The following RARB variants were observed in gnomAD, a reference collection of about 807,000 sequenced individuals.
The protein encoded by RARB is HBV-activated protein.
Under a neutral mutation model 51.9 loss-of-function variants are expected in RARB, and 17 were observed. The observed-to-expected ratio is 0.33, with a 90% CI of 0.22 to 0.49. The LOEUF is 0.49. RARB is among the 20% of genes least tolerant of loss of function. The pLI is 0.99. For missense variants in RARB, 369 were observed against 550.8 expected (o/e 0.67, Z 3.30); for synonymous variants, 215 against 195.4 (o/e 1.10, Z -0.84).
intron 1 of RARB, among the ~76,000 whole-genome samples, chr3:25,460,124 A>G (rs1480700202): frequency 1.3e-5 from 2 of 152,200 alleles, no homozygotes; most frequent in Non-Finnish European, 2.9e-5. Flanking sequence ...CTGTGTCATC[A>G]TTAGTTTTAA....
intron 5 of RARB, among the ~76,000 whole-genome samples, chr3:25,398,305 A>G (rs937861090): frequency 9.2e-5 from 14 of 152,276 alleles, no homozygotes; most frequent in African/African-American, 2.9e-4. Context: ...AACACCCTGG[A>G]TGCTCCAACA....
Position 25,451,389 on chromosome 3 carries a change from C to T in RARB, c.158-9804C>T, listed in dbSNP as rs141885956. ...CTGGCAGCAAAGCTTACCACTTTCC[C>T]GTCACCTCCTCCACACAATTTTATG... On this transcript the variant is annotated intron_variant, in intron 1 of 7. Transcript: ENST00000330688. Among the ~76,000 whole-genome samples the T allele has an allele frequency of 1.3e-3, 191 of 152,268 alleles. 1 individual carries two copies. The highest frequency in any genetic ancestry group is 2.4e-3 in the Non-Finnish European group (162 of 68,020).
chr3:24,871,189 T>C (rs1370970170), intron 2 of RARB, among the ~76,000 whole-genome samples: 1 of 152,172 alleles, frequency 6.6e-6, no homozygotes, highest in Non-Finnish European at 1.5e-5. Context: ...TTTGAAGTTT[T>C]TTATACAGTA....
intron 2 of RARB, among the ~76,000 whole-genome samples, chr3:25,480,389 G>A (rs1386652783): frequency 1.3e-5 from 2 of 152,304 alleles, no homozygotes; most frequent in African/African-American, 4.8e-5. Flanking sequence ...CAGGTAGGGT[G>A]TAGCACCTGG....
chr3:25,254,198 A>G lies in RARB; in HGVS notation c.178+79623A>G, dbSNP rs150371014. Reference sequence around the variant, plus strand: ...ATCATGGAATAAGGAGTTTAATATTAAAAATTTGTCAGTGTTTCCTATTAT... The same window carrying G: ...ATCATGGAATAAGGAGTTTAATATTGAAAATTTGTCAGTGTTTCCTATTAT... On this transcript the variant is annotated intron_variant, in intron 5 of 11. Transcript: ENST00000383772. Among the ~76,000 whole-genome samples the G allele has an allele frequency of 2.0e-4, 31 of 152,296 alleles. No individual in the cohort carries two copies. In the South Asian group the frequency reaches 3.5e-3, roughly 17 times the overall value.
At chr3:24,920,547 T>G (rs1224979403) in intron 2 of RARB, among the ~76,000 whole-genome samples, 1 of 151,474 alleles carries the variant, frequency 6.6e-6, no homozygotes, top group African/African-American at 2.4e-5. Context: ...TCAACTCTAA[T>G]TCTCTTCTTT....
chr3:25,016,727 T>C (rs1306768881), intron 2 of RARB, among the ~76,000 whole-genome samples: 1 of 152,022 alleles, frequency 6.6e-6, no homozygotes, highest in Non-Finnish European at 1.5e-5. Context: ...ATTTCTTTTT[T>C]CCCCCCAGGA....
intron 2 of RARB, among the ~76,000 whole-genome samples, chr3:24,955,217 A>C (rs1182571628): frequency 1.3e-5 from 2 of 152,212 alleles, no homozygotes; most frequent in Non-Finnish European, 2.9e-5. Context: ...GGTAAAGCCC[A>C]GCTGTCTCTA....
At chr3:25,136,766 G>C (rs934417373) in intron 4 of RARB, among the ~76,000 whole-genome samples, 2 of 151,990 alleles carry the variant, frequency 1.3e-5, no homozygotes, top group African/African-American at 4.8e-5. Context: ...GGGAGAGTTT[G>C]GGGATGAAGA....
intron 5 of RARB, among the ~76,000 whole-genome samples, chr3:25,585,391 C>A (rs1035224621): frequency 6.6e-6 from 1 of 152,102 alleles, no homozygotes; most frequent in East Asian, 1.9e-4. Context: ...TAAAGGAGGG[C>A]AAAATTGCTT....
intron 1 of RARB, among the ~76,000 whole-genome samples, chr3:24,838,302 C>A (rs1702369592): frequency 6.6e-6 from 1 of 152,062 alleles, no homozygotes. Flanking sequence ...ATAATATCTC[C>A]TTTTTTAAGG....
chr3:25,448,043 G>C (rs1428621708), intron 1 of RARB, among the ~76,000 whole-genome samples: 1 of 152,020 alleles, frequency 6.6e-6, no homozygotes, highest in Non-Finnish European at 1.5e-5. Context: ...ATGATGCAAT[G>C]AAGAATATAC....
At chr3:24,913,526 A>G (rs1342661249) in intron 2 of RARB, among the ~76,000 whole-genome samples, 2 of 151,826 alleles carry the variant, frequency 1.3e-5, no homozygotes, top group Admixed American at 6.6e-5. Context: ...TTGTGTGTTA[A>G]CTTATTTCTG....
At chr3:24,848,202 G>A (rs985023876) in intron 1 of RARB, among the ~76,000 whole-genome samples, 4 of 152,166 alleles carry the variant, frequency 2.6e-5, no homozygotes, top group African/African-American at 9.7e-5. Flanking sequence ...TGAGACCACA[G>A]GCAAGCGCCA....
At chr3:25,259,828 G>A in intron 5 of RARB, 1 of 830,294 alleles carries the variant, frequency 1.2e-6, no homozygotes, top group Non-Finnish European at 1.5e-6. Flanking sequence ...AGTAAAGTCA[G>A]AGCTCTTGGT....
intron 5 of RARB, among the ~76,000 whole-genome samples, chr3:25,185,596 T>C (rs1248775878): frequency 2.0e-5 from 3 of 152,106 alleles, no homozygotes; most frequent in African/African-American, 7.2e-5. Context: ...AAAAGAACTC[T>C]ACACTTAAGA....
At chr3:24,950,952 G>A (rs1043933673) in intron 2 of RARB, among the ~76,000 whole-genome samples, 19 of 152,290 alleles carry the variant, frequency 1.2e-4, no homozygotes, top group Middle Eastern at 3.4e-3. Context: ...CTTCTAGATG[G>A]TCTCAGGAGG....
chr3:24,923,963 A>C (rs1206172399), intron 2 of RARB, among the ~76,000 whole-genome samples: 1 of 152,162 alleles, frequency 6.6e-6, no homozygotes, highest in Non-Finnish European at 1.5e-5. Context: ...TAACAGGTGA[A>C]ATAATATCAT....
chr3:25,456,710 G>A (rs895589311), intron 1 of RARB, among the ~76,000 whole-genome samples: 5 of 147,072 alleles, frequency 3.4e-5, no homozygotes, highest in Admixed American at 3.4e-4. Context: ...GAGAGAGAGA[G>A]AGAGAGAGTC....
Sources: gnomAD v4.1 joint callset for allele counts (sites outside exome capture counted in the v4.1 genomes callset) on GRCh38, gnomAD v4.1.1 for gene constraint, MANE v1.5 for transcripts, NCBI Gene and HGNC (gene_info 2026-07-23, HGNC 2026-07-21) for gene names.